Variants in CDH12 observed in about 807,000 individuals in gnomAD.
CDH12 encodes cadherin-12.
A neutral mutation model predicts 74.1 loss-of-function variants in CDH12; 41 were observed. That is an observed-to-expected ratio of 0.55 (90% confidence interval 0.43 to 0.72). CDH12 has a LOEUF of 0.72. Ranked by LOEUF, CDH12 falls within the 30% of genes least tolerant of loss-of-function variation. The probability of loss-of-function intolerance (pLI) is 0.00; values close to 1 mark genes in which losing one functional copy is unlikely to be tolerated. For synonymous variants in CDH12, 399 were observed against 355.0 expected, an observed-to-expected ratio of 1.12 and a Z score of -1.39; for missense variants, 945 against 977.2, an observed-to-expected ratio of 0.97 and a Z score of 0.44.
At chr5:22,826,476 G>C (rs1443715581) in intron 1 of CDH12, among the ~76,000 whole-genome samples, 1 of 152,194 alleles carries the variant, frequency 6.6e-6, no homozygotes, top group Admixed American at 6.5e-5. Context: ...AAATGTGGAA[G>C]CGACTTTGGA....
At chr5:22,419,175 A>G (rs1014969815) in intron 2 of CDH12, among the ~76,000 whole-genome samples, 4 of 152,092 alleles carry the variant, frequency 2.6e-5, no homozygotes, top group African/African-American at 9.7e-5. Context: ...TCTGGGATAC[A>G]TGGGCAGGAC....
At chr5:21,754,063 A>G (rs1162872214) in intron 14 of CDH12, among the ~76,000 whole-genome samples, 1 of 152,226 alleles carries the variant, frequency 6.6e-6, no homozygotes, top group Non-Finnish European at 1.5e-5. Context: ...CCTTGACTAC[A>G]AAGATTAATA....
intron 3 of CDH12, among the ~76,000 whole-genome samples, chr5:22,315,907 T>G (rs1457694122): frequency 6.6e-6 from 1 of 152,156 alleles, no homozygotes; most frequent in East Asian, 1.9e-4. Context: ...CATTTTTTTT[T>G]TAATTCTTTT....
intron 1 of CDH12, among the ~76,000 whole-genome samples, chr5:22,710,864 A>T (rs1743250440): frequency 6.6e-6 from 1 of 152,080 alleles, no homozygotes. Context: ...TAGATTCGTG[A>T]TGACCTTATA....
intron 1 of CDH12, among the ~76,000 whole-genome samples, chr5:22,651,553 G>T (rs1442571352): frequency 6.6e-6 from 1 of 152,032 alleles, no homozygotes; most frequent in East Asian, 1.9e-4. Context: ...AGACCAGCAT[G>T]GGGGAAACCA....
chr5:22,326,305 G>T (rs988552500), intron 3 of CDH12, among the ~76,000 whole-genome samples: 1 of 151,876 alleles, frequency 6.6e-6, no homozygotes, highest in Admixed American at 6.6e-5. Context: ...CGCGATCTCG[G>T]CTCACTGCAG....
chr5:21,773,507 A>G (rs114139513), intron 11 of CDH12, among the ~76,000 whole-genome samples: 297 of 152,282 alleles, frequency 2.0e-3, no homozygotes, highest in African/African-American at 6.9e-3. Flanking sequence ...TCTTCAGCTT[A>G]TAAACTCTTG....
At chr5:22,596,240 C>T (rs1253059652) in intron 1 of CDH12, among the ~76,000 whole-genome samples, 1 of 151,954 alleles carries the variant, frequency 6.6e-6, no homozygotes, top group Non-Finnish European at 1.5e-5. Flanking sequence ...GATTTTAAGA[C>T]CAGCCTGGCC....
intron 1 of CDH12, among the ~76,000 whole-genome samples, chr5:22,657,955 A>G (rs1373686778): frequency 6.6e-6 from 1 of 152,180 alleles, no homozygotes; most frequent in Admixed American, 6.5e-5. Flanking sequence ...CAAATTAGAA[A>G]AGCAATCAAT....
At chr5:22,314,939 G>A (rs1561305797) in intron 3 of CDH12, among the ~76,000 whole-genome samples, 1 of 73,614 alleles carries the variant, frequency 1.4e-5, no homozygotes. Context: ...CCCTGGGTTG[G>A]TCTTTTTTTT....
chr5:22,427,889 A>G (rs1744006304), intron 2 of CDH12, among the ~76,000 whole-genome samples: 1 of 152,190 alleles, frequency 6.6e-6, no homozygotes, highest in African/African-American at 2.4e-5. Flanking sequence ...TCACCCAAAA[A>G]AAAGTCATTT....
intron 4 of CDH12, among the ~76,000 whole-genome samples, chr5:22,126,840 A>G (rs1445267378): frequency 3.3e-5 from 5 of 152,190 alleles, no homozygotes; most frequent in African/African-American, 1.2e-4. Flanking sequence ...GATGTTAAGT[A>G]AATGACCATT....
intron 1 of CDH12, among the ~76,000 whole-genome samples, chr5:22,733,924 T>C (rs1042318778): frequency 2.0e-4 from 30 of 151,880 alleles, no homozygotes; most frequent in African/African-American, 7.3e-4. Context: ...CTTACAGTTG[T>C]GAAGACTGGG....
At chr5:22,051,004 T>C (rs917508022) in intron 5 of CDH12, among the ~76,000 whole-genome samples, 11 of 152,198 alleles carry the variant, frequency 7.2e-5, no homozygotes, top group African/African-American at 1.9e-4. Flanking sequence ...CCACATCCTA[T>C]GGAGACTTAC....
intron 1 of CDH12, among the ~76,000 whole-genome samples, chr5:22,674,393 CA>C (rs1741060025): frequency 6.6e-6 from 1 of 152,142 alleles, no homozygotes; most frequent in Admixed American, 6.5e-5. Context: ...CACTTTCTGC[CA>C]TGATTGTGAG....
intron 1 of CDH12, among the ~76,000 whole-genome samples, chr5:22,515,447 G>A (rs1736770266): frequency 6.6e-6 from 1 of 152,056 alleles, no homozygotes; most frequent in Non-Finnish European, 1.5e-5. Context: ...TGAAGTATAG[G>A]AAAGAAATAT....
intron 6 of CDH12, among the ~76,000 whole-genome samples, chr5:21,867,915 T>C (rs570713536): frequency 6.6e-6 from 1 of 152,284 alleles, no homozygotes; most frequent in African/African-American, 2.4e-5. Context: ...GTAGCTCCCA[T>C]AATTTCCTCA....
At chr5:22,327,365 T>A (rs1270274519) in intron 3 of CDH12, among the ~76,000 whole-genome samples, 1 of 152,134 alleles carries the variant, frequency 6.6e-6, no homozygotes, top group Non-Finnish European at 1.5e-5. Context: ...AGTATTTTAT[T>A]ATTTTGTATT....
At chr5:22,489,075 T>TTTTTTTTTTTTTTTTTTTTTTTTA (rs1746737450) in intron 2 of CDH12, among the ~76,000 whole-genome samples, 1 of 123,212 alleles carries the variant, frequency 8.1e-6, no homozygotes, top group Non-Finnish European at 1.7e-5. Context: ...TTTTTTTTTT[T>TTTTTTTTTTTTTTTTTTTTTTTTA]GAGACAGAGT....
Sources: allele counts gnomAD v4.1 joint callset (sites outside exome capture counted in the v4.1 genomes callset), GRCh38; gene constraint gnomAD v4.1.1; transcripts MANE v1.5; gene names NCBI Gene and HGNC (gene_info 2026-07-23, HGNC 2026-07-21).